PTPRD: variants seen among roughly 807,000 people sequenced by gnomAD.
PTPRD encodes receptor-type tyrosine-protein phosphatase delta.
Under a neutral mutation model 214.5 loss-of-function variants are expected in PTPRD, and 34 were observed. The ratio of observed to expected loss-of-function variants is 0.16; its 90% CI spans 0.12 to 0.21. PTPRD has a LOEUF of 0.21. Ranked by LOEUF, PTPRD falls within the 10% of genes least tolerant of loss-of-function variation. The probability of loss-of-function intolerance (pLI) is 1.00; values close to 1 mark genes in which losing one functional copy is unlikely to be tolerated. For synonymous variants in PTPRD, 1,128 were observed against 845.7 expected, an observed-to-expected ratio of 1.33 and a Z score of -5.79; for missense variants, 2,545 against 2,398.7, an observed-to-expected ratio of 1.06 and a Z score of -1.27.
chr9:8,848,407 C>T (rs1386088493), intron 11 of PTPRD, among the ~76,000 whole-genome samples: 1 of 149,944 alleles, frequency 6.7e-6, no homozygotes, highest in Non-Finnish European at 1.5e-5. Context: ...ACGATCCCAG[C>T]TCACTGCAGC....
chr9:10,294,175 C>T (rs772177915), intron 3 of PTPRD, among the ~76,000 whole-genome samples: 10 of 151,886 alleles, frequency 6.6e-5, no homozygotes, highest in Non-Finnish European at 1.5e-4. Context: ...TGCCCAAAAA[C>T]CTTTTTCCCC....
rs57646474 is a variant in PTPRD, at chr9:10,188,367, G to A, written c.-545+152596C>T. Reference sequence around the variant, plus strand: ...AATTATTAGGAGTGAGAAATTACTTGTAAAGTAATCTGAATGAAAATTCCT... The same window carrying A: ...AATTATTAGGAGTGAGAAATTACTTATAAAGTAATCTGAATGAAAATTCCT... On this transcript the variant is annotated intron_variant, in intron 3 of 45. Transcript: ENST00000381196. 7.4e-3 allele frequency among the ~76,000 whole-genome samples: 1,132 copies of A among 152,182 alleles called. 9 individuals carry two copies. Among genetic ancestry groups the A allele is most frequent in the African/African-American group, 0.026 (1,068 of 41,532 alleles).
chr9:9,154,975 C>T (rs1384729658), intron 10 of PTPRD, among the ~76,000 whole-genome samples: 1 of 152,142 alleles, frequency 6.6e-6, no homozygotes, highest in Non-Finnish European at 1.5e-5. Flanking sequence ...TGTCTGGTTG[C>T]ATTATGAGAT....
At chr9:9,041,441 T>C (rs145750093) in intron 10 of PTPRD, among the ~76,000 whole-genome samples, 2,240 of 152,250 alleles carry the variant, frequency 0.015, 31 homozygotes, top group East Asian at 0.039. Context: ...ATTTAGCTCC[T>C]ACTTATAAGT....
chr9:9,115,443 C>T (rs1156669421), intron 10 of PTPRD, among the ~76,000 whole-genome samples: 1 of 152,128 alleles, frequency 6.6e-6, no homozygotes, highest in Non-Finnish European at 1.5e-5. Flanking sequence ...CACCTTACCC[C>T]AGCCAGAATG....
chr9:8,440,773 C>T (rs1007102767), intron 34 of PTPRD, among the ~76,000 whole-genome samples: 1 of 152,148 alleles, frequency 6.6e-6, no homozygotes, highest in African/African-American at 2.4e-5. Flanking sequence ...TAATAGGGTA[C>T]ATATTGGTGA....
chr9:8,566,098 A>ATGTGTGTGTGTGTGTG (rs1491211691), intron 14 of PTPRD, among the ~76,000 whole-genome samples: 2 of 46,152 alleles, frequency 4.3e-5, no homozygotes, highest in Non-Finnish European at 9.3e-5. Flanking sequence ...TGAATGCAAA[A>ATGTGTGTGTGTGTGTG]TATGTGTGTG....
intron 2 of PTPRD, among the ~76,000 whole-genome samples, chr9:10,381,488 A>T (rs1329455885): frequency 6.6e-6 from 1 of 151,986 alleles, no homozygotes; most frequent in East Asian, 1.9e-4. Context: ...ATTTTCAGAG[A>T]TCTTTAAGCA....
At position 9,209,029 on chromosome 9, in the gene PTPRD, C is replaced by T. The variant is rs549192079; in HGVS notation, c.-202-25666G>A. On this transcript the variant is annotated intron_variant, in intron 9 of 45. Transcript: ENST00000381196. ...TTCACCATGTTTGCCAGGATGGTCT[C>T]GATCTCCTGACCTCGTGATCGGCCC... is the stretch of plus-strand genomic sequence containing the variant. Among the ~76,000 whole-genome samples the T allele has an allele frequency of 1.1e-4, 16 of 152,048 alleles. No homozygotes were observed. The East Asian group carries it at 3.1e-3, about 30-fold the overall frequency.
intron 11 of PTPRD, among the ~76,000 whole-genome samples, chr9:8,734,797 G>A (rs1427859104): frequency 6.6e-6 from 1 of 152,200 alleles, no homozygotes; most frequent in Non-Finnish European, 1.5e-5. Flanking sequence ...TTTAATAAGT[G>A]ATTAGCGCCA....
Position 8,316,387 on chromosome 9 carries a change from C to T in PTPRD, c.*1487G>A. 4.3e-6 allele frequency: 1 copy of T among 231,488 alleles called. No homozygotes were observed. The highest frequency in any genetic ancestry group is 8.6e-6 in the Non-Finnish European group (1 of 116,740). 14.3% of individuals were successfully genotyped at this position (231,488 alleles called of 1,614,324 possible). On this transcript the variant is annotated 3_prime_UTR_variant, in exon 46 of 46. Coordinates refer to ENST00000381196, the MANE Select transcript of PTPRD (RefSeq NM_002839.4). ...AAAACCAAAACGAAACAAAGTACAG[C>T]ACTTCCCAGGAATGCTGTATGCCAC...
At position 8,970,823 on chromosome 9, in the gene PTPRD, A is replaced by G. The variant is rs894679351; in HGVS notation, c.-104+47874T>C. ...AAAACACATGGAAGAAAACTAAAAG[A>G]TGCAATACAGGTAGCTCATCTGAAG... is the stretch of plus-strand genomic sequence containing the variant. On this transcript the variant is annotated intron_variant, in intron 11 of 45. Transcript: ENST00000381196. Among the ~76,000 whole-genome samples the G allele has an allele frequency of 3.3e-5, 5 of 151,916 alleles. No homozygotes were observed. The South Asian group carries it at 8.3e-4, about 25-fold the overall frequency.
At chr9:10,215,331 CTGAA>C (rs1211038832) in intron 3 of PTPRD, among the ~76,000 whole-genome samples, 2 of 150,644 alleles carry the variant, frequency 1.3e-5, no homozygotes, top group Non-Finnish European at 3.0e-5. Flanking sequence ...AAATGATAAA[CTGAA>C]TGAATGGGTT....
intron 3 of PTPRD, among the ~76,000 whole-genome samples, chr9:10,198,708 T>C (rs1314898493): frequency 1.3e-5 from 2 of 152,164 alleles, no homozygotes; most frequent in African/African-American, 4.8e-5. Context: ...ATCATACCTA[T>C]TCTGCAGCAG....
In PTPRD at chr9:10,473,025, A is replaced by T. The variant is rs538659245; in HGVS notation, c.-599-132008T>A. 2.0e-5 allele frequency among the ~76,000 whole-genome samples: 3 copies of T among 152,092 alleles called. 1 individual carries two copies. The highest frequency in any genetic ancestry group is 7.2e-5 in the African/African-American group (3 of 41,434). On this transcript the variant is annotated intron_variant, in intron 2 of 45. Coordinates refer to ENST00000381196, the MANE Select transcript of PTPRD (RefSeq NM_002839.4). Reference sequence around the variant, plus strand: ...GTATTAAACATTAAGCTTATTTAATACATTAAGATTATTTTAATGTATATG... The same window carrying T: ...GTATTAAACATTAAGCTTATTTAATTCATTAAGATTATTTTAATGTATATG...
chr9:9,816,136 T>G (rs1031109941), intron 5 of PTPRD, among the ~76,000 whole-genome samples: 2 of 152,198 alleles, frequency 1.3e-5, no homozygotes, highest in African/African-American at 4.8e-5. Flanking sequence ...GTAATTTTTA[T>G]TTAATTTATT....
chr9:9,881,479 T>C (rs2068665510), intron 5 of PTPRD, among the ~76,000 whole-genome samples: 1 of 152,140 alleles, frequency 6.6e-6, no homozygotes, highest in Non-Finnish European at 1.5e-5. Flanking sequence ...ACATTATTTC[T>C]CCTCCACCGC....
At chr9:8,953,067 A>G (rs1298462495) in intron 11 of PTPRD, among the ~76,000 whole-genome samples, 1 of 151,886 alleles carries the variant, frequency 6.6e-6, no homozygotes, top group East Asian at 1.9e-4. Context: ...ATATTTTAGA[A>G]TAGTTTTTTT....
chr9:10,516,595 T>G (rs2050194432), intron 2 of PTPRD, among the ~76,000 whole-genome samples: 1 of 152,028 alleles, frequency 6.6e-6, no homozygotes, highest in African/African-American at 2.4e-5. Flanking sequence ...TACTTGTTTA[T>G]TTTCTCTTAA....
Sources: allele counts gnomAD v4.1 joint callset (sites outside exome capture counted in the v4.1 genomes callset), GRCh38; gene constraint gnomAD v4.1.1; transcripts MANE v1.5; gene names NCBI Gene and HGNC (gene_info 2026-07-23, HGNC 2026-07-21).